Variants in ZNF302 observed in about 807,000 individuals in gnomAD.
ZNF302 encodes the protein zinc finger protein 302, also known as zinc finger protein 327.
In ZNF302, 12 loss-of-function variants were observed where a neutral mutation model predicts 10.8. The observed-to-expected ratio is 1.11, with a 90% CI of 0.71 to 1.79. The LOEUF (loss-of-function observed/expected upper bound fraction) is 1.79. Among genes scored for constraint, ZNF302 ranks in the 40% most tolerant of loss-of-function variants. The probability of loss-of-function intolerance (pLI) is 0.00; values close to 1 mark genes in which losing one functional copy is unlikely to be tolerated. For synonymous variants in ZNF302, 178 were observed against 157.5 expected (o/e 1.13, Z -0.98); for missense variants, 461 against 471.1 (o/e 0.98, Z 0.20).
rs1441655181 is a variant in ZNF302 at position 34,678,750 on chromosome 19, T to G, written c.-55T>G. On this transcript the variant is annotated 5_prime_UTR_variant, in exon 2 of 5. Transcript: ENST00000505242. ...CTGTGCCCTCAGGACACTGCCCATC[T>G]CTAAGATAAGAACCTGGAAAGGGGA... 1 of 1,611,948 alleles carries G rather than the reference T, an allele frequency of 6.2e-7. No homozygotes were observed. Among genetic ancestry groups the G allele is most frequent in the East Asian group, 2.2e-5 (1 of 44,848 alleles).
In ZNF302 at chr19:34,685,326, G is replaced by A. The variant is rs1197550841; in HGVS notation, c.*89G>A. 1 of 1,613,888 alleles carries A rather than the reference G, an allele frequency of 6.2e-7. No homozygotes were observed. The highest frequency in any genetic ancestry group is 1.3e-5 in the African/African-American group (1 of 74,912). Reference sequence around the variant, plus strand: ...TTGAAACCCTACGAATGCAGTATATGTGGGAAAGCCTTTAGTCATAGGTCG... The same window carrying A: ...TTGAAACCCTACGAATGCAGTATATATGGGAAAGCCTTTAGTCATAGGTCG... On this transcript the variant is annotated 3_prime_UTR_variant, in exon 5 of 5. Transcript: ENST00000505242.
In ZNF302 at chr19:34,678,426, C is replaced by A. The variant is rs190436743; in HGVS notation, c.-68-311C>A. On this transcript the variant is annotated intron_variant, in intron 1 of 4. Coordinates refer to ENST00000505242, the MANE Select transcript of ZNF302 (RefSeq NM_001289187.2). ...CCAGCCTGGAGACAGAACGAGACTC[C>A]GTCTCAAAAAAAAAAAAAAAAAAAT... 4.1e-3 allele frequency among the ~76,000 whole-genome samples: 350 copies of A among 85,364 alleles called. 1 individual carries two copies. The highest frequency in any genetic ancestry group is 0.015 in the African/African-American group (336 of 22,186). The allele number at this position is 85,364 out of a possible 152,430, so 56.0% of individuals were successfully genotyped here.
At position 34,685,487 on chromosome 19, in the gene ZNF302, A is replaced by C; in HGVS notation, c.*250A>C. The stretch of plus-strand genomic sequence containing the variant: ...TACTGGAGAAAAGCCATATAAATGT[A>C]GTGAGTGTGGGAAAGCTTTTAGCAA... On this transcript the variant is annotated 3_prime_UTR_variant, in exon 5 of 5. Transcript: ENST00000505242. The C allele has an allele frequency of 6.3e-7, 1 of 1,587,106 alleles. No individual in the cohort carries two copies. Among genetic ancestry groups the C allele is most frequent in the Non-Finnish European group, 8.6e-7 (1 of 1,156,244 alleles).
chr19:34,683,217 A>G lies in ZNF302; in HGVS notation c.193A>G (p.Met65Val). 1.2e-6 allele frequency: 2 copies of G among 1,614,092 alleles called. No individual in the cohort carries two copies. The highest frequency in any genetic ancestry group is 8.5e-7 in the Non-Finnish European group (1 of 1,179,938). Residue 65 changes from methionine to valine, a missense_variant, in exon 4 of 5, where the codon ATG becomes GTG. Transcript: ENST00000505242. ...GGAGGATGGAAAAGAGCCCTGGATG[A>G]TGGAGAAAAAACTGTCAAAAGGTAT... ...LLEDGKEPWM[M>V]EKKLSKDWES...
At chr19:34,678,644 A>T in intron 1 of ZNF302, 93 bp from the exon 2 acceptor site, 1 of 672,954 alleles carries the variant, frequency 1.5e-6, no homozygotes, top group Non-Finnish European at 2.6e-6. Flanking sequence ...GCGAGTGATT[A>T]CCAGTGTGCT....
At chr19:34,679,745 G>A (rs1396596152) in intron 2 of ZNF302, 1 of 631,654 alleles carries the variant, frequency 1.6e-6, no homozygotes, top group Admixed American at 2.4e-5. Context: ...ACTAGCTGAT[G>A]TACTGTATGT....
intron 2 of ZNF302, 101 bp downstream of exon 2, chr19:34,678,914 AG>A: frequency 7.1e-7 from 1 of 1,403,460 alleles, no homozygotes; most frequent in African/African-American, 1.4e-5. Context: ...AGTCCATTTA[AG>A]GGACTAGATC....
At chr19:34,676,942 T>TGACTCCTCCCAGGATGAGG (rs1431675740), upstream of ZNF302, 1 of 150,800 alleles carries the variant, frequency 6.6e-6, no homozygotes, top group African/African-American at 2.4e-5. Flanking sequence ...GCGGGAGGAG[T>TGACTCCTCCCAGGATGAGG]GACTCCTCCC....
At chr19:34,679,698 A>T in intron 2 of ZNF302, 1 of 548,048 alleles carries the variant, frequency 1.8e-6, no homozygotes, top group Admixed American at 3.2e-5. Flanking sequence ...CCACTCCTCC[A>T]TCACTGCTTT....
In ZNF302 at chr19:34,678,431, C is replaced by CAAAAA. The variant is rs11441977; in HGVS notation, c.-68-291_-68-287dup. On this transcript the variant is annotated intron_variant, in intron 1 of 4. Coordinates refer to ENST00000505242, the MANE Select transcript of ZNF302 (RefSeq NM_001289187.2). Reference sequence around the variant, plus strand: ...CTGGAGACAGAACGAGACTCCGTCTCAAAAAAAAAAAAAAAAAAATCTGGA... The same window carrying CAAAAA: ...CTGGAGACAGAACGAGACTCCGTCTCAAAAAAAAAAAAAAAAAAAAAAAATCTGGA... Among the ~76,000 whole-genome samples, 15 of 115,158 alleles carry CAAAAA rather than the reference C, an allele frequency of 1.3e-4. 1 individual carries two copies. Among genetic ancestry groups the CAAAAA allele is most frequent in the Middle Eastern group, 4.8e-3 (1 of 208 alleles). 75.5% of individuals were successfully genotyped at this position (115,158 alleles called of 152,430 possible). A position where few individuals can be genotyped will look rare whatever the true frequency, so the allele number is the denominator to read the frequency against.
intron 2 of ZNF302, chr19:34,680,026 A>G: frequency 1.5e-6 from 1 of 678,372 alleles, no homozygotes; most frequent in East Asian, 2.7e-5. Context: ...ATTAGAATTG[A>G]AAAACTGGTG....
Position 34,684,363 on chromosome 19 carries a change from T to A in ZNF302, c.326T>A (p.Phe109Tyr). 2 of 1,601,896 alleles carry A rather than the reference T, an allele frequency of 1.2e-6. No individual in the cohort carries two copies. The highest frequency in any genetic ancestry group is 1.7e-6 in the Non-Finnish European group (2 of 1,176,240). Reference protein sequence around the residue: ...MEKVVKQSYEFSNSNKNLEYT... With the variant: ...MEKVVKQSYEYSNSNKNLEYT... ...AAAGTTGTAAAACAAAGTTATGAAT[T>A]TTCAAATTCTAATAAGAATTTGGAA... The change falls in exon 5 of 5, where the codon TTT (phenylalanine) becomes TAT (tyrosine). Residue 109 changes from phenylalanine to tyrosine, a missense_variant. By Grantham distance (22) the Phe-to-Tyr change is conservative. Transcript: ENST00000505242.
In ZNF302 at chr19:34,684,393, C is replaced by G; in HGVS notation, c.356C>G (p.Thr119Arg). ...AATTCTAATAAGAATTTGGAATATA[C>G]AGAATGCGACACATTTAGAAGCACC... ...FSNSNKNLEY[T>R]ECDTFRSTFH... Residue 119 changes from threonine to arginine, a missense_variant, in exon 5 of 5, where the codon ACA becomes AGA. Physicochemically the swap from Thr to Arg is moderately conservative, Grantham distance 71. Coordinates refer to ENST00000505242, the MANE Select transcript of ZNF302 (RefSeq NM_001289187.2). 6.2e-7 allele frequency: 1 copy of G among 1,609,778 alleles called. No individual in the cohort carries two copies. Among genetic ancestry groups the G allele is most frequent in the Non-Finnish European group, 8.5e-7 (1 of 1,178,560 alleles).
At chr19:34,678,274 C>CA (rs58776788) in intron 1 of ZNF302, among the ~76,000 whole-genome samples, 171 bp downstream of exon 1, 21,145 of 151,148 alleles carry the variant, frequency 0.14, 1,562 homozygotes, top group East Asian at 0.23. Context: ...ACTAAAAATA[C>CA]AAAAAAAAAT....
At chr19:34,684,227 G>A (rs971746466) in intron 4 of ZNF302, 25 bp from the exon 5 acceptor site, 3 of 764,820 alleles carry the variant, frequency 3.9e-6, no homozygotes, top group Non-Finnish European at 5.9e-6. Flanking sequence ...AAAAGGCAGT[G>A]CTTTGCTTTC....
intron 2 of ZNF302, chr19:34,681,385 T>C (rs2068335819): frequency 6.6e-6 from 1 of 152,266 alleles, no homozygotes; most frequent in African/African-American, 2.4e-5. Flanking sequence ...AGCATTTCCT[T>C]AGAATATTTT....
At chr19:34,679,960 G>A (rs1477999292) in intron 2 of ZNF302, 1 of 702,602 alleles carries the variant, frequency 1.4e-6, no homozygotes, top group East Asian at 2.7e-5. Flanking sequence ...AGGAGGGGAT[G>A]TAAGTAGCAG....
chr19:34,681,123 A>G (rs2068320651), intron 2 of ZNF302, among the ~76,000 whole-genome samples: 1 of 152,224 alleles, frequency 6.6e-6, no homozygotes, highest in African/African-American at 2.4e-5. Flanking sequence ...GTGAACATGC[A>G]TGCAAAATAT....
Position 34,678,721 on chromosome 19 carries a change from C to G in ZNF302, c.-68-16C>G, listed in dbSNP as rs2068151813. The G allele has an allele frequency of 6.5e-7, 1 of 1,545,220 alleles. No homozygotes were observed. The highest frequency in any genetic ancestry group is 8.9e-7 in the Non-Finnish European group (1 of 1,124,040). On this transcript the variant is annotated splice_polypyrimidine_tract_variant and intron_variant, in intron 1 of 4. Transcript: ENST00000505242. ...ATTTTTCATGACTGCTTTTTCCTGC[C>G]TTTCTGTGCCCTCAGGACACTGCCC...
Sources: allele counts gnomAD v4.1 joint callset (sites outside exome capture counted in the v4.1 genomes callset), GRCh38; gene constraint gnomAD v4.1.1; transcripts MANE v1.5; gene names NCBI Gene and HGNC (gene_info 2026-07-23, HGNC 2026-07-21).